PAH: variants seen among roughly 807,000 people sequenced by gnomAD.
PAH encodes the protein phenylalanine hydroxylase.
Under a neutral mutation model 62.0 loss-of-function variants are expected in PAH, and 64 were observed. That is an observed-to-expected ratio of 1.03 (90% CI 0.84 to 1.27). PAH has a LOEUF of 1.27. PAH is among the 50% of genes most tolerant of loss of function. The probability of loss-of-function intolerance (pLI) is 0.00; values close to 1 mark genes in which losing one functional copy is unlikely to be tolerated. For synonymous variants in PAH, 195 were observed against 196.2 expected, an observed-to-expected ratio of 0.99 and a Z score of 0.05; for missense variants, 579 against 542.8, an observed-to-expected ratio of 1.07 and a Z score of -0.66.
intron 1 of PAH, among the ~76,000 whole-genome samples, chr12:102,947,504 C>T (rs1879549742): frequency 1.3e-5 from 2 of 152,068 alleles, no homozygotes; most frequent in African/African-American, 2.4e-5. Context: ...GAGGTGGAAG[C>T]TAAACTCTAA....
intron 5 of PAH, among the ~76,000 whole-genome samples, chr12:102,861,813 A>G (rs1284718210): frequency 6.6e-6 from 1 of 152,018 alleles, no homozygotes; most frequent in Non-Finnish European, 1.5e-5. Flanking sequence ...GGGGAACATC[A>G]CACACGGGCC....
intron 11 of PAH, 61 bp from the exon 12 acceptor site, chr12:102,840,576 G>C: frequency 2.6e-6 from 3 of 1,155,648 alleles, no homozygotes; most frequent in South Asian, 1.2e-5. Flanking sequence ...AGTCTTAAGA[G>C]AGTTCTCAGT....
chr12:102,897,465 G>GTATATATATATATATATATATA (rs376902236), intron 2 of PAH, among the ~76,000 whole-genome samples: 1 of 93,946 alleles, frequency 1.1e-5, no homozygotes, highest in East Asian at 2.6e-4. Context: ...GTGTGTGTGT[G>GTATATATATATATATATATATA]TATATATATA....
intron 4 of PAH, among the ~76,000 whole-genome samples, chr12:102,874,892 G>A (rs895253924): frequency 1.4e-4 from 22 of 152,212 alleles, no homozygotes; most frequent in African/African-American, 5.3e-4. Context: ...ACACATCCAT[G>A]CATACTGCCA....
chr12:102,870,060 G>C (rs954331596), intron 4 of PAH, among the ~76,000 whole-genome samples: 2 of 152,158 alleles, frequency 1.3e-5, no homozygotes, highest in Non-Finnish European at 2.9e-5. Context: ...GGGGATAGAA[G>C]ACGGGAGAAA....
chr12:102,932,091 A>T (rs1878899937), intron 1 of PAH, among the ~76,000 whole-genome samples: 1 of 152,174 alleles, frequency 6.6e-6, no homozygotes, highest in South Asian at 2.1e-4. Context: ...TCCCCCTTCC[A>T]TTCCTTCAGA....
At chr12:102,874,876 T>C (rs2136675729) in intron 4 of PAH, among the ~76,000 whole-genome samples, 1 of 152,210 alleles carries the variant, frequency 6.6e-6, no homozygotes, top group East Asian at 1.9e-4. Context: ...TGAGAGATAT[T>C]GGGTCACACA....
At chr12:102,939,569 C>T (rs905522753) in intron 1 of PAH, among the ~76,000 whole-genome samples, 1 of 152,052 alleles carries the variant, frequency 6.6e-6, no homozygotes, top group Admixed American at 6.5e-5. Flanking sequence ...AACAAAGACC[C>T]TGTTCATTTT....
In PAH at chr12:102,942,336, A is replaced by G. The variant is rs1430961083; in HGVS notation, c.-96+8253T>C. ...CATTCACAATAGCCACAAAAATAAT[A>G]AAATACCTGGGCATACAGCTAACCA... On this transcript the variant is annotated intron_variant, in intron 1 of 3. Coordinates refer to the PAH transcript ENST00000546844. 3.3e-5 allele frequency among the ~76,000 whole-genome samples: 5 copies of G among 152,288 alleles called. No individual in the cohort carries two copies. The East Asian group carries it at 9.6e-4, about 29-fold the overall frequency.
intron 11 of PAH, among the ~76,000 whole-genome samples, chr12:102,842,907 T>G (rs550109486): frequency 2.0e-4 from 31 of 152,236 alleles, no homozygotes; most frequent in African/African-American, 7.2e-4. Flanking sequence ...TAACATACAG[T>G]GAGTATTAGG....
chr12:102,949,475 C>T (rs35103648), intron 1 of PAH, among the ~76,000 whole-genome samples: 19,285 of 152,182 alleles, frequency 0.13, 1,717 homozygotes, highest in Admixed American at 0.23. Flanking sequence ...TCTTACTCAA[C>T]CCTCTCATTT....
In PAH at chr12:102,843,663, A is replaced by G. The variant is rs1262818202; in HGVS notation, c.1182T>C (p.Asp394=). The G allele has an allele frequency of 6.2e-7, 1 of 1,613,684 alleles. No homozygotes were observed. The highest frequency in any genetic ancestry group is 2.2e-5 in the East Asian group (1 of 44,838). ...PLYYVAESFN[D]AKEKVRNFAA... ...CACCTCACCTTACTTTCTCCTTGGC[A>G]TCATTAAAACTCTCTGCCACGTAAT... is the stretch of plus-strand genomic sequence containing the variant. Residue 394 remains aspartate, a synonymous_variant, in exon 11 of 13, where the codon GAT becomes GAC. Transcript: ENST00000553106.
chr12:102,866,695 G>A (rs183656745), intron 4 of PAH, 32 bp from the exon 5 acceptor site: 2 of 1,567,676 alleles, frequency 1.3e-6, no homozygotes, highest in Admixed American at 1.7e-5. Context: ...ATTTTTCAAG[G>A]CTTCATAGGA....
At chr12:102,851,580 G>T in intron 8 of PAH, 107 bp downstream of exon 8, 2 of 875,302 alleles carry the variant, frequency 2.3e-6, no homozygotes, top group Non-Finnish European at 3.8e-6. Flanking sequence ...AACTGTACCT[G>T]GTTTCCGCTC....
At position 102,866,687 on chromosome 12, in the gene PAH, T is replaced by G. The variant is rs769145162; in HGVS notation, c.442-24A>C. 8.8e-6 allele frequency: 14 copies of G among 1,592,754 alleles called. No homozygotes were observed. In the East Asian group the frequency reaches 3.1e-4, roughly 36 times the overall value. On this transcript the variant is annotated intron_variant, in intron 4 of 12. Transcript: ENST00000553106. Reference sequence around the variant, plus strand: ...CCCTAGGAGAAAAGAGACACCTGATTTTTCAAGGCTTCATAGGAAGAGGTC... The same window carrying G: ...CCCTAGGAGAAAAGAGACACCTGATGTTTCAAGGCTTCATAGGAAGAGGTC...
At chr12:102,956,326 C>G (rs1231045675) in intron 1 of PAH, among the ~76,000 whole-genome samples, 1 of 152,230 alleles carries the variant, frequency 6.6e-6, no homozygotes, top group Non-Finnish European at 1.5e-5. Context: ...GCGCCGCGTC[C>G]CCAGACGTCC....
In PAH at chr12:102,939,072, G is replaced by A. The variant is rs114136722; in HGVS notation, c.-96+11517C>T. Among the ~76,000 whole-genome samples, 925 of 152,120 alleles carry A rather than the reference G, an allele frequency of 6.1e-3. 17 individuals are homozygous for A. The highest frequency in any genetic ancestry group is 0.022 in the African/African-American group (903 of 41,470). ...CATGCCTCAGCCACCATACAGAGAGGAGCCCAGTCTCTCTTCCCTGTGAGC... is the reference window on the plus strand; with the variant it reads ...CATGCCTCAGCCACCATACAGAGAGAAGCCCAGTCTCTCTTCCCTGTGAGC... On this transcript the variant is annotated intron_variant, in intron 1 of 3. Coordinates refer to the PAH transcript ENST00000546844.
intron 1 of PAH, among the ~76,000 whole-genome samples, chr12:102,947,063 T>C (rs1879527035): frequency 6.6e-6 from 1 of 152,172 alleles, no homozygotes; most frequent in Non-Finnish European, 1.5e-5. Flanking sequence ...GCTGGGACAA[T>C]ACTGAAGTAA....
chr12:102,841,127 G>C (rs568348253), intron 11 of PAH, among the ~76,000 whole-genome samples: 1 of 152,098 alleles, frequency 6.6e-6, no homozygotes, highest in Non-Finnish European at 1.5e-5. Flanking sequence ...GGAAGGCTGC[G>C]TGACTACTAA....
Sources: allele counts gnomAD v4.1 joint callset (sites outside exome capture counted in the v4.1 genomes callset), GRCh38; gene constraint gnomAD v4.1.1; transcripts MANE v1.5; gene names NCBI Gene and HGNC (gene_info 2026-07-23, HGNC 2026-07-21).